Variants in PDE3B observed in about 807,000 individuals in gnomAD.
PDE3B encodes cGMP-inhibited 3',5'-cyclic phosphodiesterase 3B.
Under a neutral mutation model 116.8 loss-of-function variants are expected in PDE3B, and 66 were observed. That is an observed-to-expected ratio of 0.56 (90% CI 0.46 to 0.69). PDE3B has a LOEUF of 0.69. Ranked by LOEUF, PDE3B falls within the 30% of genes least tolerant of loss-of-function variation. PDE3B has a pLI of 0.00. For synonymous variants in PDE3B, 595 were observed against 533.6 expected, an observed-to-expected ratio of 1.12 and a Z score of -1.59; for missense variants, 1,384 against 1,368.1, an observed-to-expected ratio of 1.01 and a Z score of -0.18.
At chr11:14,685,880 G>A (rs572965567) in intron 1 of PDE3B, among the ~76,000 whole-genome samples, 31 of 152,222 alleles carry the variant, frequency 2.0e-4, no homozygotes, top group African/African-American at 7.5e-4. Context: ...TTTCTCATTG[G>A]TCATGGAGTT....
intron 8 of PDE3B, 86 bp downstream of exon 8, chr11:14,830,932 AT>A: frequency 1.2e-6 from 1 of 857,050 alleles, no homozygotes; most frequent in Non-Finnish European, 1.6e-6. Context: ...CCAGAACAAG[AT>A]TTTTAATATA....
intron 4 of PDE3B, among the ~76,000 whole-genome samples, chr11:14,799,321 T>C (rs1312176790): frequency 6.6e-6 from 1 of 152,194 alleles, no homozygotes; most frequent in Middle Eastern, 3.2e-3. Flanking sequence ...TTCTGTTCTT[T>C]TGCCTTTGCT....
rs1218756504 is a variant in PDE3B, at chr11:14,826,610, C to T, written c.1808-4088C>T. On this transcript the variant is annotated intron_variant, in intron 7 of 15. Coordinates refer to ENST00000282096, the MANE Select transcript of PDE3B (RefSeq NM_000922.4). ...AATAGACCAATAAGAAGCTCCAAAA[C>T]GGAATCTGTAATAAATAGCCCACCA... Among the ~76,000 whole-genome samples the T allele has an allele frequency of 6.6e-5, 10 of 152,054 alleles. No individual in the cohort carries two copies. In the South Asian group the frequency reaches 1.2e-3, roughly 19 times the overall value.
At chr11:14,777,373 A>C (rs1743462855) in intron 2 of PDE3B, among the ~76,000 whole-genome samples, 1 of 152,202 alleles carries the variant, frequency 6.6e-6, no homozygotes, top group South Asian at 2.1e-4. Context: ...TTAGCCAAAA[A>C]CTTAATCCTA....
At chr11:14,790,438 A>G (rs1858347656) in intron 4 of PDE3B, among the ~76,000 whole-genome samples, 2 of 151,826 alleles carry the variant, frequency 1.3e-5, no homozygotes, top group Non-Finnish European at 2.9e-5. Context: ...TTGAGAATAT[A>G]GTTGGGTTTT....
rs1052551381 is a variant in PDE3B at position 14,716,318 on chromosome 11, T to G, written c.979-55619T>G. Among the ~76,000 whole-genome samples, 389 of 152,160 alleles carry G rather than the reference T, an allele frequency of 2.6e-3. 1 individual carries two copies. Among genetic ancestry groups the G allele is most frequent in the African/African-American group, 8.8e-3 (367 of 41,528 alleles). ...CTAGCACAGCAGTCTGAGATCAAACTGCAAGGCGGCAGCGAGGCTGGGGGA... is the reference window on the plus strand; with the variant it reads ...CTAGCACAGCAGTCTGAGATCAAACGGCAAGGCGGCAGCGAGGCTGGGGGA... On this transcript the variant is annotated intron_variant, in intron 1 of 15. Coordinates refer to ENST00000282096, the MANE Select transcript of PDE3B (RefSeq NM_000922.4).
intron 1 of PDE3B, among the ~76,000 whole-genome samples, chr11:14,733,821 G>A (rs1856525578): frequency 6.6e-6 from 1 of 152,030 alleles, no homozygotes; most frequent in African/African-American, 2.4e-5. Context: ...ATTTTTTTAG[G>A]AGCTCTAATT....
At chr11:14,687,098 CTT>C (rs1378699074) in intron 1 of PDE3B, among the ~76,000 whole-genome samples, 2 of 152,120 alleles carry the variant, frequency 1.3e-5, no homozygotes, top group African/African-American at 4.8e-5. Flanking sequence ...TTTTATTAAA[CTT>C]GACGAAAATG....
chr11:14,799,667 G>A (rs376069143), intron 4 of PDE3B, among the ~76,000 whole-genome samples: 5 of 148,964 alleles, frequency 3.4e-5, no homozygotes, highest in South Asian at 4.3e-4. Flanking sequence ...GCATTTATCC[G>A]TTTACCATTA....
chr11:14,718,054 G>C (rs1256337602), intron 1 of PDE3B, among the ~76,000 whole-genome samples: 39 of 150,142 alleles, frequency 2.6e-4, no homozygotes, highest in South Asian at 8.5e-4. Context: ...CACATAGGCT[G>C]AAAATAAAAG....
intron 1 of PDE3B, among the ~76,000 whole-genome samples, chr11:14,725,435 TTCCC>T (rs1856272729): frequency 1.5e-5 from 2 of 131,094 alleles, no homozygotes; most frequent in South Asian, 2.8e-4. Flanking sequence ...CCTTCCTTCC[TTCCC>T]TCCCTCCACC....
chr11:14,737,827 T>C (rs1215342771), intron 1 of PDE3B, among the ~76,000 whole-genome samples: 1 of 135,756 alleles, frequency 7.4e-6, no homozygotes, highest in African/African-American at 2.8e-5. Flanking sequence ...GTCCATGTGT[T>C]CTCATTGTTC....
chr11:14,704,802 T>G (rs1855480656), intron 1 of PDE3B, among the ~76,000 whole-genome samples: 1 of 151,538 alleles, frequency 6.6e-6, no homozygotes, highest in Non-Finnish European at 1.5e-5. Flanking sequence ...CTGTAAGACA[T>G]CTAGAAGAAA....
At chr11:14,758,734 A>G (rs1159550880) in intron 1 of PDE3B, among the ~76,000 whole-genome samples, 1 of 151,542 alleles carries the variant, frequency 6.6e-6, no homozygotes, top group Non-Finnish European at 1.5e-5. Context: ...TAGATATACA[A>G]TCATGTCGTC....
chr11:14,884,913 G>T, the PDE3B span, among the ~76,000 whole-genome samples: 3 of 151,432 alleles, frequency 2.0e-5, no homozygotes, highest in Non-Finnish European at 2.9e-5. Flanking sequence ...TGGTCTAATT[G>T]TTTGTTTTTT....
intron 1 of PDE3B, among the ~76,000 whole-genome samples, chr11:14,737,331 C>T (rs571164077): frequency 1.3e-5 from 2 of 152,236 alleles, no homozygotes; most frequent in Non-Finnish European, 2.9e-5. Flanking sequence ...GTAGCTGGGA[C>T]TACAGGCAGG....
chr11:14,883,022 T>G, the PDE3B span, among the ~76,000 whole-genome samples: 95 of 151,986 alleles, frequency 6.3e-4, 1 homozygote, highest in Middle Eastern at 3.4e-3. Context: ...CACTGCTCAA[T>G]GAAATAAAAG....
At chr11:14,818,416 AT>A (rs762924647) in intron 6 of PDE3B, 23 bp downstream of exon 6, 2 of 1,505,386 alleles carry the variant, frequency 1.3e-6, no homozygotes, top group African/African-American at 2.7e-5. Context: ...ACTGTTTATT[AT>A]TTCTGTTTCA....
chr11:14,831,906 A>T (rs1197892057), intron 9 of PDE3B, 129 bp downstream of exon 9: 1 of 554,048 alleles, frequency 1.8e-6, no homozygotes, highest in East Asian at 3.4e-5. Context: ...TTTTTTCAGA[A>T]AAAAATAAAT....
Sources: gnomAD v4.1 joint callset for allele counts (sites outside exome capture counted in the v4.1 genomes callset) on GRCh38, gnomAD v4.1.1 for gene constraint, MANE v1.5 for transcripts, NCBI Gene and HGNC (gene_info 2026-07-23, HGNC 2026-07-21) for gene names.